TRPM5: variants seen among roughly 807,000 people sequenced by gnomAD.
The protein encoded by TRPM5 is MLSN1 and TRP-related.
Under a neutral mutation model 124.9 loss-of-function variants are expected in TRPM5, and 121 were observed. The ratio of observed to expected loss-of-function variants is 0.97; its 90% CI spans 0.84 to 1.13. The LOEUF (loss-of-function observed/expected upper bound fraction) is 1.13. Among genes scored for constraint, TRPM5 ranks in the 50% most tolerant of loss-of-function variants. The probability of loss-of-function intolerance (pLI) is 0.00; values close to 1 mark genes in which losing one functional copy is unlikely to be tolerated. For missense variants in TRPM5, 1,643 were observed against 1,589.1 expected, an observed-to-expected ratio of 1.03 and a Z score of -0.58; for synonymous variants, 781 against 700.5, an observed-to-expected ratio of 1.11 and a Z score of -1.81.
chr11:2,405,668 C>A (rs1850303800), intron 22 of TRPM5, 75 bp from the exon 28 acceptor site: 1 of 1,476,860 alleles, frequency 6.8e-7, no homozygotes, highest in East Asian at 2.5e-5. Context: ...CTCCCCATCT[C>A]CCCTCTCCTG....
At chr11:2,413,281 C>G (rs926062904) in intron 13 of TRPM5, 55 bp from the exon 19 acceptor site, 3 of 1,471,412 alleles carry the variant, frequency 2.0e-6, no homozygotes, top group Non-Finnish European at 2.7e-6. Context: ...AGGCGCCTGC[C>G]TGGCTCCAGG....
Position 2,414,010 on chromosome 11 carries a change from C to T in TRPM5, c.1890+51G>A, listed in dbSNP as rs1464668029. 2.5e-4 allele frequency: 105 copies of T among 420,294 alleles called. 2 individuals are homozygous for T. The highest frequency in any genetic ancestry group is 3.2e-4 in the South Asian group (18 of 56,246). The allele number at this position is 420,294 out of a possible 1,614,324, so 26.0% of individuals were successfully genotyped here. A position where few individuals can be genotyped will look rare whatever the true frequency, so the allele number is the denominator to read the frequency against. ...GTCAACTCAAGCTGGGCCCAGCTCG[C>T]CCGCCCACCCCACCCCCTGGCAGCT... On this transcript the variant is annotated intron_variant, in intron 12 of 23. Coordinates refer to ENST00000155858, the Ensembl canonical transcript of TRPM5.
the TRPM5 span, among the ~76,000 whole-genome samples, chr11:2,433,332 A>G: frequency 0.012 from 1,801 of 152,350 alleles, 37 homozygotes; most frequent in African/African-American, 0.042. Context: ...GTGCTTGGCG[A>G]TCAGACAGCA....
intron 2 of TRPM5, 37 bp from the exon 8 acceptor site, chr11:2,421,235 C>A: frequency 6.6e-7 from 1 of 1,518,254 alleles, no homozygotes; most frequent in South Asian, 1.2e-5. Context: ...GTGCCGCACG[C>A]CCCAGGTCTT....
chr11:2,417,441 C>T lies in TRPM5; in HGVS notation c.1009+286G>A, dbSNP rs186643332. On this transcript the variant is annotated intron_variant, in intron 7 of 23. Coordinates refer to ENST00000155858, the Ensembl canonical transcript of TRPM5. ...CTGCACTCCAGCCTGGGCGACAGTG[C>T]GAGACTCCGTCTCAAAAAACCGAAA... Among the ~76,000 whole-genome samples the T allele has an allele frequency of 6.4e-3, 969 of 152,250 alleles. 12 individuals carry two copies. The highest frequency in any genetic ancestry group is 0.021 in the African/African-American group (891 of 41,534).
In TRPM5 at chr11:2,407,272, C is replaced by T. The variant is rs529067735; in HGVS notation, c.2965G>A (p.Ala989Thr). The T allele has an allele frequency of 5.3e-5, 85 of 1,611,802 alleles. No individual in the cohort carries two copies. The highest frequency in any genetic ancestry group is 3.1e-4 in the South Asian group (28 of 90,874). Residue 989 changes from alanine (A) to threonine (T), a missense_variant, in exon 20 of 24, where the codon GCA becomes ACA. Ala to Thr is a moderately conservative substitution (Grantham distance 58). Transcript: ENST00000155858. ...CGCTGGAACTTCCAGAACATGTCTGCGTTGCCCTGCACCACCTGGAACGTG... is the reference window on the plus strand; with the variant it reads ...CGCTGGAACTTCCAGAACATGTCTGTGTTGCCCTGCACCACCTGGAACGTG...
intron 2 of TRPM5, 99 bp downstream of exon 7, chr11:2,422,042 G>A (rs1173235347): frequency 5.1e-6 from 7 of 1,360,226 alleles, no homozygotes; most frequent in Non-Finnish European, 6.9e-6. Flanking sequence ...TGGCTGCCCT[G>A]TGGGGTGGGA....
the TRPM5 span, among the ~76,000 whole-genome samples, chr11:2,441,216 G>A: frequency 6.6e-6 from 1 of 152,204 alleles, no homozygotes; most frequent in Non-Finnish European, 1.5e-5. This position sits in a 1 kb window ranked among gnomAD's most constrained non-coding sequence, Gnocchi z 7.2. Context: ...TAGAGGAGGG[G>A]CTTTCCTCAG....
chr11:2,409,802 G>A (rs1488109474), intron 18 of TRPM5, among the ~76,000 whole-genome samples: 1 of 152,210 alleles, frequency 6.6e-6, no homozygotes, highest in African/African-American at 2.4e-5. Context: ...CCCTGTTGCA[G>A]GCGTTTCAGC....
chr11:2,414,009 G>GGGGCCCCCCCCCCCCCCC, intron 12 of TRPM5, 52 bp downstream of exon 17: 71 of 1,023,598 alleles, frequency 6.9e-5, no homozygotes, highest in Middle Eastern at 3.1e-4. Context: ...GGCCCAGCTC[G>GGGGCCCCCCCCCCCCCCC]CCCGCCCACC....
At chr11:2,430,553 AGCGGTGAGGGTGGTG>A in the TRPM5 span, among the ~76,000 whole-genome samples, 1 of 149,936 alleles carries the variant, frequency 6.7e-6, no homozygotes, top group African/African-American at 2.5e-5. Context: ...TGTTGGTGGC[AGCGGTGAGGGTGGTG>A]GCGGTGATGG....
At chr11:2,411,662 G>A (rs750184149) in exon 17 of TRPM5, 1 of 1,612,320 alleles carries the variant, frequency 6.2e-7, no homozygotes, top group Non-Finnish European at 8.5e-7. Flanking sequence ...TGATCTTGGG[G>A]CCCAGCTGCT....
At chr11:2,425,962 G>T (rs1385649566), upstream of TRPM5, among the ~76,000 whole-genome samples, 1 of 152,300 alleles carries the variant, frequency 6.6e-6, no homozygotes, top group South Asian at 2.1e-4. Context: ...GTCCTACAGG[G>T]CTCCCTGGCC....
intron 12 of TRPM5, 44 bp downstream of exon 17, chr11:2,414,011 CCGCCCA>C: frequency 8.3e-6 from 4 of 482,224 alleles, no homozygotes; most frequent in East Asian, 6.0e-5. Context: ...CCCAGCTCGC[CCGCCCA>C]CCCCACCCCC....
At chr11:2,421,972 CT>C (rs1333069040) in intron 2 of TRPM5, among the ~76,000 whole-genome samples, 168 bp downstream of exon 7, 4 of 143,540 alleles carry the variant, frequency 2.8e-5, no homozygotes, top group Admixed American at 7.2e-5. Flanking sequence ...GTCAGGGGGT[CT>C]GGCTGCCGTG....
At chr11:2,442,436 C>T in the TRPM5 span, among the ~76,000 whole-genome samples, 2 of 149,660 alleles carry the variant, frequency 1.3e-5, no homozygotes, top group Non-Finnish European at 3.0e-5. The surrounding 1 kb of genome is among the most constrained non-coding windows in gnomAD (Gnocchi z 5.9). Flanking sequence ...TCTTTGGGAT[C>T]CTTTGGTTGA....
At position 2,421,806 on chromosome 11, in the gene TRPM5, G is replaced by A. The variant is rs372112666; in HGVS notation, c.298+335C>T. ...AGTGGGAGCAGGGACATCTCATGGC[G>A]GCCCATGGGCCCTGCTAGTGGAGGG... On this transcript the variant is annotated intron_variant, in intron 2 of 23. Coordinates refer to ENST00000155858, the Ensembl canonical transcript of TRPM5. Among the ~76,000 whole-genome samples the A allele has an allele frequency of 1.2e-3, 189 of 152,322 alleles. 7 individuals are homozygous for A. The South Asian group carries it at 0.038, about 30-fold the overall frequency.
chr11:2,419,121 C>T (rs573527045), intron 4 of TRPM5, among the ~76,000 whole-genome samples: 1 of 152,262 alleles, frequency 6.6e-6, no homozygotes, highest in East Asian at 1.9e-4. Flanking sequence ...CCTGGAGGTG[C>T]CTTAGAATCA....
the TRPM5 span, among the ~76,000 whole-genome samples, chr11:2,438,580 T>C: frequency 1.3e-5 from 2 of 152,204 alleles, no homozygotes; most frequent in East Asian, 3.9e-4. This position sits in a 1 kb window ranked among gnomAD's most constrained non-coding sequence, Gnocchi z 5.9. Context: ...GGTGGGAGGA[T>C]CACCTAAGCC....
Sources: gnomAD v4.1 joint callset for allele counts (sites outside exome capture counted in the v4.1 genomes callset) on GRCh38, gnomAD v4.1.1 for gene constraint, Gnocchi (gnomAD v3.1) non-coding constraint, MANE v1.5 for transcripts, NCBI Gene and HGNC (gene_info 2026-07-23, HGNC 2026-07-21) for gene names.